ABCC1: variants seen among roughly 807,000 people sequenced by gnomAD.
ABCC1 encodes multidrug resistance-associated protein 1.
ABCC1 carries 83 observed loss-of-function variants against 172.9 expected under a neutral mutation model. The observed-to-expected ratio is 0.48, with a 90% CI of 0.40 to 0.58. ABCC1 has a LOEUF of 0.58. ABCC1 is among the 20% of genes least tolerant of loss of function. The probability of loss-of-function intolerance (pLI) is 0.00; values close to 1 mark genes in which losing one functional copy is unlikely to be tolerated. For synonymous variants in ABCC1, 937 were observed against 825.2 expected, an observed-to-expected ratio of 1.14 and a Z score of -2.32; for missense variants, 1,817 against 2,002.7, an observed-to-expected ratio of 0.91 and a Z score of 1.77.
At chr16:15,967,112 G>C (rs1194359377) in intron 1 of ABCC1, among the ~76,000 whole-genome samples, 1 of 152,140 alleles carries the variant, frequency 6.6e-6, no homozygotes, top group Non-Finnish European at 1.5e-5. Context: ...ATACTTGGTA[G>C]GGGAGTGTTT....
chr16:16,101,845 G>T (rs1165549048), intron 19 of ABCC1, among the ~76,000 whole-genome samples: 1 of 152,188 alleles, frequency 6.6e-6, no homozygotes, highest in African/African-American at 2.4e-5. Flanking sequence ...TTGATGCTGG[G>T]TGGATTCTTC....
chr16:15,987,815 C>A (rs745582172), intron 1 of ABCC1, among the ~76,000 whole-genome samples: 2 of 152,216 alleles, frequency 1.3e-5, no homozygotes, highest in Non-Finnish European at 2.9e-5. Flanking sequence ...TTCTTCAGAC[C>A]TGTTGGCCTC....
At chr16:16,075,310 CAG>C (rs1457798846) in intron 14 of ABCC1, among the ~76,000 whole-genome samples, 2 of 151,918 alleles carry the variant, frequency 1.3e-5, no homozygotes, top group Admixed American at 6.6e-5. Context: ...TAAAAGAAGA[CAG>C]AGGTGCTAGG....
intron 6 of ABCC1, among the ~76,000 whole-genome samples, chr16:16,035,248 A>G (rs2048711039): frequency 6.6e-6 from 1 of 152,096 alleles, no homozygotes; most frequent in Non-Finnish European, 1.5e-5. Context: ...CTAACAATAC[A>G]AAAATTAGCC....
chr16:16,087,093 T>G, intron 18 of ABCC1, 102 bp downstream of exon 18: 2 of 1,303,352 alleles, frequency 1.5e-6, no homozygotes, highest in Non-Finnish European at 2.1e-6. Context: ...TGGCTTTCTT[T>G]GTTTTTAATT....
intron 7 of ABCC1, among the ~76,000 whole-genome samples, chr16:16,041,059 C>G (rs889187671): frequency 6.6e-6 from 1 of 151,526 alleles, no homozygotes; most frequent in African/African-American, 2.4e-5. Flanking sequence ...TCCCTAGTAG[C>G]TGGGACTACA....
chr16:16,057,591 A>G (rs868552266), intron 12 of ABCC1, among the ~76,000 whole-genome samples: 1 of 152,040 alleles, frequency 6.6e-6, no homozygotes, highest in African/African-American at 2.4e-5. Context: ...CCTCTCTTCC[A>G]TCAGTTCCTC....
At chr16:15,967,150 C>T (rs1407618440) in intron 1 of ABCC1, among the ~76,000 whole-genome samples, 2 of 152,104 alleles carry the variant, frequency 1.3e-5, no homozygotes, top group Admixed American at 6.6e-5. Context: ...CTGAGTCACA[C>T]CCTCTATATT....
At chr16:16,010,184 C>G (rs1567310007) in intron 3 of ABCC1, among the ~76,000 whole-genome samples, 1 of 151,830 alleles carries the variant, frequency 6.6e-6, no homozygotes, top group Non-Finnish European at 1.5e-5. Flanking sequence ...GTTGGGACTA[C>G]AGGTGTGTGT....
intron 20 of ABCC1, among the ~76,000 whole-genome samples, chr16:16,104,756 C>T (rs564312286): frequency 1.3e-5 from 2 of 152,264 alleles, no homozygotes; most frequent in Admixed American, 6.5e-5. Context: ...GCGCAGGAGC[C>T]CATAGCGGGG....
chr16:16,132,510 G>GTCTTTTTTTTTTTT (rs2045735348), intron 27 of ABCC1, among the ~76,000 whole-genome samples: 1 of 37,298 alleles, frequency 2.7e-5, no homozygotes. Context: ...TTGGTTGGTT[G>GTCTTTTTTTTTTTT]TTTTTTTTTT....
In ABCC1 at chr16:16,106,831, G is replaced by GA. The variant is rs1231844723; in HGVS notation, c.2830dup (p.Thr944AsnfsTer8). 2 of 1,614,056 alleles carry GA rather than the reference G, an allele frequency of 1.2e-6. No homozygotes were observed. The highest frequency in any genetic ancestry group is 1.7e-6 in the Non-Finnish European group (2 of 1,180,044). On this transcript the variant is annotated frameshift_variant, in exon 21 of 31. Coordinates refer to ENST00000399410, the MANE Select transcript of ABCC1 (RefSeq NM_004996.4). LOFTEE classifies it high-confidence loss of function. The stretch of plus-strand genomic sequence containing the variant: ...AGAAAGCTGAGGCCAAGAAGGAGGA[G>GA]ACCTGGAAGCTGATGGAGGCTGACA...
At chr16:16,020,457 G>A (rs74011362) in intron 5 of ABCC1, among the ~76,000 whole-genome samples, 33 of 152,292 alleles carry the variant, frequency 2.2e-4, no homozygotes, top group African/African-American at 7.5e-4. Context: ...CCCATGGGCC[G>A]AATCTGGCCT....
chr16:16,045,639 A>C (rs913159104), intron 8 of ABCC1, among the ~76,000 whole-genome samples, 197 bp from the exon 9 acceptor site: 2 of 152,148 alleles, frequency 1.3e-5, no homozygotes, highest in Non-Finnish European at 2.9e-5. Context: ...CCCAAGGCAG[A>C]GGCCTCTTTT....
intron 17 of ABCC1, among the ~76,000 whole-genome samples, chr16:16,084,232 G>T (rs2050919705): frequency 6.6e-6 from 1 of 151,714 alleles, no homozygotes; most frequent in Admixed American, 6.6e-5. Context: ...CTTCCTGAGG[G>T]GCTGGAATTA....
chr16:16,125,675 T>G (rs1567433643), intron 25 of ABCC1, 135 bp from the exon 26 acceptor site: 1 of 625,300 alleles, frequency 1.6e-6, no homozygotes, highest in African/African-American at 1.9e-5. Context: ...TCAGGTGATC[T>G]GACCGCCTCA....
chr16:16,116,621 G>A (rs932827281), intron 23 of ABCC1, among the ~76,000 whole-genome samples: 2 of 151,912 alleles, frequency 1.3e-5, no homozygotes, highest in Admixed American at 1.3e-4. Flanking sequence ...GGAGTGCAGT[G>A]ATGGAATCTC....
intron 1 of ABCC1, among the ~76,000 whole-genome samples, chr16:15,963,731 CA>C (rs2046187132): frequency 1.3e-5 from 2 of 152,168 alleles, no homozygotes; most frequent in African/African-American, 2.4e-5. Flanking sequence ...CTGCACACAT[CA>C]GGGGGGCCCT....
intron 7 of ABCC1, among the ~76,000 whole-genome samples, chr16:16,042,157 C>G (rs974788975): frequency 6.8e-6 from 1 of 146,744 alleles, no homozygotes; most frequent in African/African-American, 2.5e-5. Context: ...TTCTGTGACT[C>G]TGGAAGAGTT....
Sources: allele counts gnomAD v4.1 joint callset (sites outside exome capture counted in the v4.1 genomes callset), GRCh38; gene constraint gnomAD v4.1.1; transcripts MANE v1.5; gene names NCBI Gene and HGNC (gene_info 2026-07-23, HGNC 2026-07-21).